Variants in ITIH5 observed in about 807,000 individuals in gnomAD.
The protein encoded by ITIH5 is inter-alpha-trypsin inhibitor heavy chain 5, also known as inter-alpha-trypsin inhibitor heavy chain H5.
ITIH5 carries 65 observed loss-of-function variants against 77.5 expected under a neutral mutation model. The observed-to-expected ratio is 0.84, with a 90% CI of 0.69 to 1.03. The LOEUF (loss-of-function observed/expected upper bound fraction) is 1.03, where lower values mean the gene tolerates loss of function less well. Among genes scored for constraint, ITIH5 ranks in the 50% least tolerant of loss-of-function variants. ITIH5 has a pLI of 0.00. For missense variants in ITIH5, 1,208 were observed against 1,213.1 expected, an observed-to-expected ratio of 1.00 and a Z score of 0.06; for synonymous variants, 525 against 494.3, an observed-to-expected ratio of 1.06 and a Z score of -0.82.
At chr10:7,567,343 A>ATTATTATTATTG (rs1352237344) in intron 12 of ITIH5, among the ~76,000 whole-genome samples, 40 of 148,146 alleles carry the variant, frequency 2.7e-4, no homozygotes, top group Non-Finnish European at 5.2e-4. Flanking sequence ...TATTATTATT[A>ATTATTATTATTG]TTATTATTAT....
intron 2 of ITIH5, among the ~76,000 whole-genome samples, chr10:7,654,018 G>A (rs896516918): frequency 6.6e-6 from 1 of 152,184 alleles, no homozygotes; most frequent in Non-Finnish European, 1.5e-5. Flanking sequence ...TTAGCCAAGT[G>A]TGGTGGTGCA....
At position 7,666,784 on chromosome 10, in the gene ITIH5, T is replaced by G. The variant is rs1834369093; in HGVS notation, c.90+19A>C. 1 of 1,592,454 alleles carries G rather than the reference T, an allele frequency of 6.3e-7. No individual in the cohort carries two copies. The highest frequency in any genetic ancestry group is 1.1e-5 in the South Asian group (1 of 89,212). On this transcript the variant is annotated intron_variant, in intron 1 of 13. Transcript: ENST00000397146. ...GGGGCGGCCGCGCCCGGGACCCGGC[T>G]CCCCTCGGCTCCACTTACCTGCTCC...
intron 5 of ITIH5, among the ~76,000 whole-genome samples, 175 bp downstream of exon 5, chr10:7,637,053 A>T (rs1330950789): frequency 6.6e-6 from 1 of 152,222 alleles, no homozygotes; most frequent in Non-Finnish European, 1.5e-5. Flanking sequence ...TCTCAAAAAA[A>T]AAGAAAAAAA....
chr10:7,659,704 G>C (rs1251810105), intron 1 of ITIH5, among the ~76,000 whole-genome samples: 1 of 152,142 alleles, frequency 6.6e-6, no homozygotes, highest in Non-Finnish European at 1.5e-5. Flanking sequence ...AAGAGAAGCT[G>C]GTTTTTCATT....
chr10:7,656,207 G>A (rs1032988964), intron 1 of ITIH5, among the ~76,000 whole-genome samples: 15 of 152,106 alleles, frequency 9.9e-5, no homozygotes, highest in South Asian at 6.2e-4. Flanking sequence ...GGAGGGATGC[G>A]GGAAAGTGAT....
rs1434111064 is a variant in ITIH5, at chr10:7,614,243, T to C, written c.939+1739A>G. Among the ~76,000 whole-genome samples, 6 of 152,086 alleles carry C rather than the reference T, an allele frequency of 3.9e-5. No homozygotes were observed. In the South Asian group the frequency reaches 6.2e-4, roughly 16 times the overall value. ...AGCAGAAGGAAGAAAAAGTCAAAAA[T>C]GGAGCAGTTGGCAGGTTGCGCTCTG... On this transcript the variant is annotated intron_variant, in intron 7 of 13. Transcript: ENST00000397146.
chr10:7,570,380 G>C (rs1832273237), intron 11 of ITIH5: 1 of 152,294 alleles, frequency 6.6e-6, no homozygotes, highest in African/African-American at 2.4e-5. Context: ...GCACAGTCAG[G>C]GTGCTGGCGG....
chr10:7,625,596 C>A (rs978442264), intron 5 of ITIH5, among the ~76,000 whole-genome samples: 5 of 151,956 alleles, frequency 3.3e-5, no homozygotes, highest in South Asian at 2.1e-4. Flanking sequence ...GAAAACCTGT[C>A]TCTATTAAAA....
rs1413063131 is a variant in ITIH5 at position 7,579,975 on chromosome 10, G to C, written c.1198C>G (p.Leu400Val). ...TTCCCATCCGTCAGGAAGACGATGA[G>C]GGACACGCTCCGGTCTCCAATGCCA... Reference protein sequence around the residue: ...HSGIGDRSVSLIVFLTDGKPT... With the variant: ...HSGIGDRSVSVIVFLTDGKPT... The change falls in exon 9 of 14, where the codon CTC becomes GTC. Residue 400 changes from leucine (L) to valine (V), a missense_variant. Physicochemically the swap from Leu to Val is conservative, Grantham distance 32 (BLOSUM62 1). Transcript: ENST00000397146. 1 of 1,614,182 alleles carries C rather than the reference G, an allele frequency of 6.2e-7. No homozygotes were observed. The highest frequency in any genetic ancestry group is 1.1e-5 in the South Asian group (1 of 91,078).
intron 1 of ITIH5, among the ~76,000 whole-genome samples, chr10:7,656,200 G>C (rs1475193672): frequency 6.6e-6 from 1 of 152,170 alleles, no homozygotes; most frequent in African/African-American, 2.4e-5. Context: ...ATGCCGGGGA[G>C]GGATGCGGGA....
chr10:7,565,377 T>C (rs892581281), intron 13 of ITIH5, among the ~76,000 whole-genome samples: 7 of 149,828 alleles, frequency 4.7e-5, no homozygotes, highest in African/African-American at 1.7e-4. Flanking sequence ...AGACTATGTA[T>C]GTATATATAC....
At chr10:7,582,087 G>A (rs921484025) in intron 8 of ITIH5, among the ~76,000 whole-genome samples, 1 of 151,856 alleles carries the variant, frequency 6.6e-6, no homozygotes, top group African/African-American at 2.4e-5. Flanking sequence ...ATGTTGGCCA[G>A]GCTGGTCTTG....
In ITIH5 at chr10:7,586,043, G is replaced by C. The variant is rs374135784; in HGVS notation, c.966C>G (p.Leu322=). The C allele has an allele frequency of 5.6e-6, 9 of 1,613,670 alleles. No individual in the cohort carries two copies. Among genetic ancestry groups the C allele is most frequent in the Non-Finnish European group, 6.8e-6 (8 of 1,179,914 alleles). ...AACGGTCCTGGGGTCGGAGGTCATG[G>C]AGAATTGTGAAGAGGGCATCCTTGG... ...RQTKDALFTI[L]HDLRPQDRFS... Residue 322 remains leucine, a synonymous_variant, in exon 8 of 14, where the codon CTC becomes CTG. Coordinates refer to ENST00000397146, the MANE Select transcript of ITIH5 (RefSeq NM_030569.7).
intron 12 of ITIH5, among the ~76,000 whole-genome samples, chr10:7,566,844 GGAAGAAGAAGAAGAAGAA>G (rs576015885): frequency 0.044 from 788 of 17,708 alleles, 40 homozygotes; most frequent in Non-Finnish European, 0.051. Context: ...AAGAGGAAGA[GGAAGAAGAAGAAGAAGAA>G]GAAGAAGAAG....
At chr10:7,666,639 CACACAGAGGTG>C (rs2131125309) in intron 1 of ITIH5, among the ~76,000 whole-genome samples, 153 bp downstream of exon 1, 1 of 152,254 alleles carries the variant, frequency 6.6e-6, no homozygotes, top group African/African-American at 2.4e-5. Flanking sequence ...CACCGCGGCT[CACACAGAGGTG>C]ACGCACGAGT....
chr10:7,613,057 C>T (rs1259474728), intron 7 of ITIH5, among the ~76,000 whole-genome samples: 1 of 152,082 alleles, frequency 6.6e-6, no homozygotes, highest in Non-Finnish European at 1.5e-5. Context: ...CCAGCCTGGC[C>T]AACATGGTGA....
chr10:7,600,297 A>G lies in ITIH5; in HGVS notation c.940-14228T>C, dbSNP rs534752312. Among the ~76,000 whole-genome samples, 184 of 152,314 alleles carry G rather than the reference A, an allele frequency of 1.2e-3. 6 individuals carry two copies. In the South Asian group the frequency reaches 0.037, roughly 30 times the overall value. On this transcript the variant is annotated intron_variant, in intron 7 of 13. Transcript: ENST00000397146. ...TTAGGGGGAGAATAATTCCAATGCT[A>G]TGCCTTAATCTGACCTCTGAAACCC...
intron 2 of ITIH5, among the ~76,000 whole-genome samples, chr10:7,648,430 G>A (rs971017400): frequency 6.6e-6 from 1 of 152,204 alleles, no homozygotes; most frequent in African/African-American, 2.4e-5. Flanking sequence ...ATTGAAGATA[G>A]AGGACATTAA....
At chr10:7,603,303 G>A (rs975790630) in intron 7 of ITIH5, among the ~76,000 whole-genome samples, 10 of 152,270 alleles carry the variant, frequency 6.6e-5, no homozygotes, top group Middle Eastern at 3.4e-3. Flanking sequence ...ACAAAAGGCC[G>A]CACACTGTGT....
Sources: allele counts gnomAD v4.1 joint callset (sites outside exome capture counted in the v4.1 genomes callset), GRCh38; gene constraint gnomAD v4.1.1; transcripts MANE v1.5; gene names NCBI Gene and HGNC (gene_info 2026-07-23, HGNC 2026-07-21).